Variants in ULK4 observed in about 807,000 individuals in gnomAD.
The protein encoded by ULK4 is unc-51 like kinase 4, also known as inactive serine/threonine-protein kinase ULK4.
ULK4 carries 133 observed loss-of-function variants against 160.6 expected under a neutral mutation model. That is an observed-to-expected ratio of 0.83 (90% CI 0.72 to 0.96). The LOEUF (loss-of-function observed/expected upper bound fraction) is 0.96. Among genes scored for constraint, ULK4 ranks in the 40% least tolerant of loss-of-function variants. The pLI is 0.00. For missense variants in ULK4, 1,580 were observed against 1,499.5 expected, an observed-to-expected ratio of 1.05 and a Z score of -0.89; for synonymous variants, 534 against 539.8, an observed-to-expected ratio of 0.99 and a Z score of 0.15.
chr3:41,358,914 T>C (rs532668686), intron 35 of ULK4, among the ~76,000 whole-genome samples: 15 of 152,108 alleles, frequency 9.9e-5, no homozygotes, highest in East Asian at 3.9e-4. Context: ...CAATAAACCA[T>C]GTGTGGGGTG....
intron 17 of ULK4, among the ~76,000 whole-genome samples, chr3:41,838,510 A>T (rs2041825111): frequency 6.6e-6 from 1 of 152,162 alleles, no homozygotes. Context: ...ACTTAAAAGC[A>T]CTACAGAAAA....
intron 32 of ULK4, among the ~76,000 whole-genome samples, chr3:41,478,077 C>T (rs1449831010): frequency 1.3e-5 from 2 of 152,220 alleles, no homozygotes; most frequent in East Asian, 1.9e-4. Flanking sequence ...GTCCCTTTGG[C>T]CTAGAGCTTT....
intron 21 of ULK4, among the ~76,000 whole-genome samples, chr3:41,760,058 T>C (rs1009298155): frequency 1.3e-5 from 2 of 152,102 alleles, no homozygotes; most frequent in African/African-American, 4.8e-5. Flanking sequence ...CAGAAAATAT[T>C]TGTACCCAGA....
At chr3:41,622,784 T>C (rs912312388) in intron 30 of ULK4, among the ~76,000 whole-genome samples, 1 of 152,180 alleles carries the variant, frequency 6.6e-6, no homozygotes, top group African/African-American at 2.4e-5. Flanking sequence ...AATATTTGAA[T>C]CTCTAAATAC....
chr3:41,806,066 T>C (rs1219246800), intron 19 of ULK4, among the ~76,000 whole-genome samples: 11 of 145,302 alleles, frequency 7.6e-5, no homozygotes, highest in Admixed American at 1.4e-4. Context: ...ATGGTACCAG[T>C]TCCTCCTTGT....
chr3:41,682,928 G>A (rs887344337), intron 27 of ULK4, among the ~76,000 whole-genome samples: 1 of 152,146 alleles, frequency 6.6e-6, no homozygotes, highest in African/African-American at 2.4e-5. Context: ...TGAAACAAAC[G>A]ATCTAAGTGC....
chr3:41,932,358 A>C (rs1227046649), intron 4 of ULK4, among the ~76,000 whole-genome samples: 1 of 152,200 alleles, frequency 6.6e-6, no homozygotes, highest in East Asian at 1.9e-4. Flanking sequence ...CAACTGCCTG[A>C]GGTGTTGTTT....
chr3:41,717,885 T>C (rs2037327525), intron 22 of ULK4, 24 bp from the exon 23 acceptor site: 2 of 1,606,940 alleles, frequency 1.2e-6, no homozygotes, highest in Admixed American at 1.7e-5. Flanking sequence ...AGTGCAAAGA[T>C]TACCTCTCAT....
chr3:41,403,626 G>C (rs2082229725), intron 34 of ULK4, among the ~76,000 whole-genome samples: 1 of 151,520 alleles, frequency 6.6e-6, no homozygotes, highest in African/African-American at 2.4e-5. Flanking sequence ...CTTCCCTTTT[G>C]CTTGTTTTGG....
chr3:41,727,872 T>C (rs916337829), intron 22 of ULK4, among the ~76,000 whole-genome samples: 2 of 152,278 alleles, frequency 1.3e-5, no homozygotes, highest in Admixed American at 6.5e-5. Context: ...AATGAAGAAA[T>C]GGTGTTAATT....
At chr3:41,615,526 T>G in intron 31 of ULK4, 143 bp downstream of exon 31, 1 of 687,460 alleles carries the variant, frequency 1.5e-6, no homozygotes, top group Non-Finnish European at 2.4e-6. Flanking sequence ...AAAGCTGAAG[T>G]CCAAGGAGGT....
At chr3:41,530,872 G>A (rs371368918) in intron 32 of ULK4, among the ~76,000 whole-genome samples, 7 of 151,658 alleles carry the variant, frequency 4.6e-5, no homozygotes, top group African/African-American at 9.7e-5. Flanking sequence ...CAAGTGATTC[G>A]CCTGCCTCAG....
rs556354786 is a variant in ULK4, at chr3:41,632,413, G to A, written c.3072-16696C>T. On this transcript the variant is annotated intron_variant, in intron 30 of 36. Transcript: ENST00000301831. ...CTTAATGGAATACAAGAGATTTTTT[G>A]TTTTGGAATCTACCTGAAATCAAGC... 2.0e-5 allele frequency among the ~76,000 whole-genome samples: 3 copies of A among 152,078 alleles called. No individual in the cohort carries two copies. The East Asian group carries it at 5.8e-4, about 29-fold the overall frequency.
At chr3:41,386,021 G>T (rs1397172378) in intron 35 of ULK4, among the ~76,000 whole-genome samples, 1 of 152,140 alleles carries the variant, frequency 6.6e-6, no homozygotes, top group Non-Finnish European at 1.5e-5. Context: ...TTTCTGGGAA[G>T]AAATATACTG....
intron 34 of ULK4, among the ~76,000 whole-genome samples, chr3:41,436,993 C>T (rs553026620): frequency 6.6e-6 from 1 of 152,330 alleles, no homozygotes; most frequent in South Asian, 2.1e-4. Flanking sequence ...AACATACCTA[C>T]ATTCAAGATA....
intron 34 of ULK4, among the ~76,000 whole-genome samples, chr3:41,432,935 G>A (rs1012123616): frequency 2.7e-4 from 41 of 151,624 alleles, no homozygotes; most frequent in African/African-American, 9.9e-4. Context: ...GTGGGTGACT[G>A]TATTTATAAC....
In ULK4 at chr3:41,883,894, C is replaced by G. The variant is rs1217319913; in HGVS notation, c.1636G>C (p.Glu546Gln). 3 of 1,608,778 alleles carry G rather than the reference C, an allele frequency of 1.9e-6. No homozygotes were observed. In the East Asian group the frequency reaches 6.7e-5, roughly 36 times the overall value. Residue 546 changes from glutamate to glutamine, a missense_variant, in exon 17 of 37, where the codon GAA becomes CAA. Physicochemically the swap from Glu to Gln is conservative, Grantham distance 29. Transcript: ENST00000301831. The part of the protein sequence containing the change: ...LLASHTAELQ[E>Q]NTPVVEAIVL... ...ATTACCTCAACAACAGGTGTATTTTCCTGGAGCTCAGCTGTGTGCGAAGCC... is the reference window on the plus strand; with the variant it reads ...ATTACCTCAACAACAGGTGTATTTTGCTGGAGCTCAGCTGTGTGCGAAGCC...
intron 35 of ULK4, among the ~76,000 whole-genome samples, chr3:41,320,818 G>A (rs1291993378): frequency 6.6e-6 from 1 of 152,196 alleles, no homozygotes; most frequent in African/African-American, 2.4e-5. Flanking sequence ...TCAGGAGGCT[G>A]AGGCAGGAGG....
chr3:41,506,027 T>C (rs1030375634), intron 32 of ULK4, among the ~76,000 whole-genome samples: 8 of 152,186 alleles, frequency 5.3e-5, no homozygotes, highest in Non-Finnish European at 8.8e-5. Flanking sequence ...TATATGTTTG[T>C]CAAATGCATT....
Sources: allele counts gnomAD v4.1 joint callset (sites outside exome capture counted in the v4.1 genomes callset), GRCh38; gene constraint gnomAD v4.1.1; transcripts MANE v1.5; gene names NCBI Gene and HGNC (gene_info 2026-07-23, HGNC 2026-07-21).